The following AVEN variants were observed in gnomAD, a reference collection of about 807,000 sequenced individuals.
AVEN encodes apoptosis and caspase activation inhibitor, also known as cell death regulator Aven.
In AVEN, 41 loss-of-function variants were observed where a neutral mutation model predicts 38.1. The ratio of observed to expected loss-of-function variants is 1.08; its 90% CI spans 0.84 to 1.40. The LOEUF (loss-of-function observed/expected upper bound fraction) is 1.40. AVEN is among the 40% of genes most tolerant of loss of function. AVEN has a pLI of 0.00. For missense variants in AVEN, 605 were observed against 438.8 expected (o/e 1.38, Z -3.38); for synonymous variants, 206 against 171.8 (o/e 1.20, Z -1.56).
chr15:33,917,525 G>GTATA (rs34540122), intron 2 of AVEN, among the ~76,000 whole-genome samples: 3,657 of 145,818 alleles, frequency 0.025, 177 homozygotes, highest in African/African-American at 0.087. Flanking sequence ...ACACATACGT[G>GTATA]TATATATATA....
chr15:34,020,310 C>CA (rs5811813), intron 1 of AVEN, among the ~76,000 whole-genome samples: 45 of 147,524 alleles, frequency 3.1e-4, no homozygotes, highest in Admixed American at 2.1e-3. Flanking sequence ...GACTCCATCT[C>CA]AAAAAAAAAA....
At chr15:34,039,462 T>TA (rs1389818958), upstream of AVEN, among the ~76,000 whole-genome samples, 1 of 152,196 alleles carries the variant, frequency 6.6e-6, no homozygotes, top group Non-Finnish European at 1.5e-5. Context: ...TCTAAACAAA[T>TA]ACATACTAAA....
intron 2 of AVEN, among the ~76,000 whole-genome samples, chr15:33,929,126 G>A (rs1893742538): frequency 6.6e-6 from 1 of 152,084 alleles, no homozygotes; most frequent in African/African-American, 2.4e-5. Flanking sequence ...TAGAACCATG[G>A]AGTTGGAGAA....
At chr15:34,019,141 C>A (rs1395507670) in intron 1 of AVEN, among the ~76,000 whole-genome samples, 1 of 152,198 alleles carries the variant, frequency 6.6e-6, no homozygotes, top group Non-Finnish European at 1.5e-5. Context: ...GAAAAGTTCT[C>A]CAAGTCCCCA....
At chr15:33,866,213 A>C (rs1890456466), downstream of AVEN, 1 of 180,920 alleles carries the variant, frequency 5.5e-6, no homozygotes, top group African/African-American at 2.4e-5. Flanking sequence ...CCACACAAGA[A>C]AGGAAAGGAA....
At chr15:33,991,075 G>A (rs777531441) in intron 2 of AVEN, 17 of 152,140 alleles carry the variant, frequency 1.1e-4, no homozygotes, top group African/African-American at 4.1e-4. Context: ...TGCAACTCCT[G>A]ATGACATAAT....
chr15:34,057,294 G>A (rs1335979065), intron 5 of AVEN, among the ~76,000 whole-genome samples: 2 of 118,236 alleles, frequency 1.7e-5, no homozygotes, highest in African/African-American at 3.1e-5. Flanking sequence ...ATGCCACCAC[G>A]CCCAGCTAAT....
chr15:33,947,560 G>C (rs1567428456), intron 2 of AVEN, among the ~76,000 whole-genome samples: 1 of 152,158 alleles, frequency 6.6e-6, no homozygotes, highest in Non-Finnish European at 1.5e-5. Flanking sequence ...GGATGCTCAA[G>C]TCCCTGACAC....
At chr15:33,854,933 G>C, downstream of AVEN, 1 of 1,599,172 alleles carries the variant, frequency 6.3e-7, no homozygotes, top group Non-Finnish European at 8.5e-7. Flanking sequence ...TACTGATGCA[G>C]AACAGAATGG....
upstream of AVEN, among the ~76,000 whole-genome samples, chr15:34,043,548 G>C (rs1237193545): frequency 5.9e-5 from 9 of 152,178 alleles, no homozygotes; most frequent in Non-Finnish European, 8.8e-5. Flanking sequence ...ACCAGCTACA[G>C]GGGGAGAGAC....
At position 33,899,460 on chromosome 15, in the gene AVEN, C is replaced by CTTTTTTTT. The variant is rs533788693; in HGVS notation, c.446-23473_446-23466dup. 1.2e-3 allele frequency among the ~76,000 whole-genome samples: 79 copies of CTTTTTTTT among 65,428 alleles called. 8 individuals carry two copies. The highest frequency in any genetic ancestry group is 0.01 in the East Asian group (21 of 2,026). The allele number at this position is 65,428 out of a possible 152,430, so 42.9% of individuals were successfully genotyped here. A position where few individuals can be genotyped will look rare whatever the true frequency, so the allele number is the denominator to read the frequency against. ...TACATTTATTTGCTTCAGGGAAAAC[C>CTTTTTTTT]TTTTTTTTTTTTTTTTTTTTTTTTT... On this transcript the variant is annotated intron_variant, in intron 2 of 5. Coordinates refer to ENST00000306730, the MANE Select transcript of AVEN (RefSeq NM_020371.3).
chr15:33,939,169 T>C (rs1324279418), intron 2 of AVEN, among the ~76,000 whole-genome samples: 2 of 152,214 alleles, frequency 1.3e-5, no homozygotes, highest in African/African-American at 4.8e-5. Context: ...GGCACTGCCA[T>C]TCTACCAGTC....
chr15:33,961,782 C>T (rs553014471), intron 2 of AVEN, among the ~76,000 whole-genome samples: 4 of 136,106 alleles, frequency 2.9e-5, no homozygotes, highest in Non-Finnish European at 6.1e-5. Flanking sequence ...CACTGCACTC[C>T]AGCCTGGGCG....
At chr15:34,007,122 A>G (rs1897389186) in intron 1 of AVEN, 1 of 884,818 alleles carries the variant, frequency 1.1e-6, no homozygotes, top group Admixed American at 6.2e-5. Flanking sequence ...AAGACCTATT[A>G]TATAATCAAA....
intron 2 of AVEN, among the ~76,000 whole-genome samples, chr15:33,920,019 C>T (rs1221092380): frequency 6.6e-6 from 1 of 152,134 alleles, no homozygotes; most frequent in Non-Finnish European, 1.5e-5. Context: ...TCTCCTCCAT[C>T]AGAACTAACT....
chr15:33,852,118 G>A, the AVEN span: 4 of 150,948 alleles, frequency 2.6e-5, no homozygotes, highest in African/African-American at 9.8e-5. Flanking sequence ...AACTTGGGTG[G>A]TCTCTGGAGA....
chr15:33,859,861 AT>A, intron 11 of AVEN: 1 of 1,012,716 alleles, frequency 9.9e-7, no homozygotes, highest in Non-Finnish European at 1.4e-6. Context: ...GCAAGAACTA[AT>A]TTAGCATCTA....
intron 2 of AVEN, among the ~76,000 whole-genome samples, chr15:34,001,945 T>G (rs1372008315): frequency 1.3e-5 from 2 of 152,232 alleles, no homozygotes; most frequent in Non-Finnish European, 2.9e-5. Context: ...TTTACTTCCC[T>G]GCTTCTCACA....
downstream of AVEN, among the ~76,000 whole-genome samples, chr15:33,863,577 CACAG>C (rs1889308067): frequency 1.3e-5 from 2 of 152,154 alleles, no homozygotes. Flanking sequence ...ACTTATGTGT[CACAG>C]ACAAACTCAA....
Sources: gnomAD v4.1 joint callset for allele counts (sites outside exome capture counted in the v4.1 genomes callset) on GRCh38, gnomAD v4.1.1 for gene constraint, MANE v1.5 for transcripts, NCBI Gene and HGNC (gene_info 2026-07-23, HGNC 2026-07-21) for gene names.